FGGY: variants seen among roughly 807,000 people sequenced by gnomAD.
FGGY encodes the protein FGGY carbohydrate kinase domain containing, also known as FGGY carbohydrate kinase domain-containing protein.
Under a neutral mutation model 71.3 loss-of-function variants are expected in FGGY, and 72 were observed. That is an observed-to-expected ratio of 1.01 (90% CI 0.84 to 1.23). FGGY has a LOEUF of 1.23. Among genes scored for constraint, FGGY ranks in the 50% most tolerant of loss-of-function variants. FGGY has a pLI of 0.00. For synonymous variants in FGGY, 251 were observed against 250.3 expected (o/e 1.00, Z -0.02); for missense variants, 668 against 682.3 (o/e 0.98, Z 0.23).
intron 6 of FGGY, among the ~76,000 whole-genome samples, chr1:59,463,540 G>C (rs186169902): frequency 1.3e-5 from 2 of 152,044 alleles, no homozygotes; most frequent in Non-Finnish European, 2.9e-5. Context: ...ATGGGCTAAA[G>C]GCCCCAATTA....
chr1:59,673,827 G>A (rs2097405575), intron 13 of FGGY: 7 of 529,470 alleles, frequency 1.3e-5, no homozygotes, highest in Non-Finnish European at 2.4e-5. Flanking sequence ...TGGTTCCCTT[G>A]GGCTCTTGGC....
intron 6 of FGGY, among the ~76,000 whole-genome samples, chr1:59,474,594 G>A (rs948406910): frequency 3.3e-5 from 5 of 152,220 alleles, no homozygotes; most frequent in Non-Finnish European, 7.3e-5. Flanking sequence ...CTAACCACTA[G>A]AAGAATGTCA....
intron 8 of FGGY, among the ~76,000 whole-genome samples, chr1:59,590,036 G>T (rs542847808): frequency 2.1e-4 from 32 of 151,980 alleles, no homozygotes; most frequent in African/African-American, 7.2e-4. Context: ...TTGATAGATC[G>T]CTAGCAAGAC....
At chr1:59,394,522 C>T (rs188406547) in intron 5 of FGGY, among the ~76,000 whole-genome samples, 13 of 152,188 alleles carry the variant, frequency 8.5e-5, no homozygotes, top group Middle Eastern at 3.4e-3. Context: ...GGGCTTGTTG[C>T]GGGATTGAAC....
chr1:59,451,390 T>TC (rs35917389), intron 5 of FGGY, among the ~76,000 whole-genome samples: 4 of 151,658 alleles, frequency 2.6e-5, no homozygotes, highest in African/African-American at 9.7e-5. Context: ...GTTTTTTTTT[T>TC]GTAGAACAGC....
intron 8 of FGGY, among the ~76,000 whole-genome samples, chr1:59,597,506 T>A (rs933559891): frequency 6.6e-6 from 1 of 151,922 alleles, no homozygotes. Flanking sequence ...TCAAGTCTTT[T>A]AAAAAAAAGT....
chr1:59,360,256 C>T (rs575017887), intron 4 of FGGY, among the ~76,000 whole-genome samples: 2 of 152,142 alleles, frequency 1.3e-5, no homozygotes, highest in Admixed American at 6.6e-5. Context: ...AACTCTCCTT[C>T]GTGCTGGCAT....
intron 8 of FGGY, among the ~76,000 whole-genome samples, chr1:59,574,577 GT>G (rs1381170794): frequency 6.6e-6 from 1 of 151,912 alleles, no homozygotes; most frequent in Non-Finnish European, 1.5e-5. Context: ...ATTTAAATGT[GT>G]TTTTTAAGGT....
intron 11 of FGGY, among the ~76,000 whole-genome samples, chr1:59,645,567 G>A (rs1264220561): frequency 6.6e-6 from 1 of 152,138 alleles, no homozygotes; most frequent in Non-Finnish European, 1.5e-5. Context: ...CAATACAACA[G>A]GAAACTCAAA....
At chr1:59,569,883 T>C (rs2095951065) in intron 8 of FGGY, among the ~76,000 whole-genome samples, 1 of 152,176 alleles carries the variant, frequency 6.6e-6, no homozygotes. Context: ...GACTCAGATA[T>C]GTATCTGAGC....
chr1:59,364,835 C>G (rs1287101194), intron 4 of FGGY, among the ~76,000 whole-genome samples: 1 of 152,192 alleles, frequency 6.6e-6, no homozygotes, highest in East Asian at 1.9e-4. Flanking sequence ...GCTTCTGTTT[C>G]TCTGAAGAAC....
chr1:59,553,382 T>C (rs2095639131), intron 7 of FGGY, among the ~76,000 whole-genome samples: 1 of 152,222 alleles, frequency 6.6e-6, no homozygotes, highest in South Asian at 2.1e-4. Context: ...CTAAAGAGTC[T>C]TTCTAGCTTT....
intron 6 of FGGY, among the ~76,000 whole-genome samples, chr1:59,487,976 A>G (rs1319649498): frequency 6.6e-6 from 1 of 152,194 alleles, no homozygotes; most frequent in African/African-American, 2.4e-5. Context: ...CAATTTCAGC[A>G]CTCTGATACA....
chr1:59,346,126 T>G (rs1348451708), intron 3 of FGGY, 121 bp from the exon 4 acceptor site: 1 of 1,313,964 alleles, frequency 7.6e-7, no homozygotes, highest in Non-Finnish European at 1.0e-6. Context: ...TTTTGCACAC[T>G]CTTGATACAT....
chr1:59,512,291 T>G lies in FGGY; in HGVS notation c.671-20T>G. 6.3e-7 allele frequency: 1 copy of G among 1,581,698 alleles called. No homozygotes were observed. The highest frequency in any genetic ancestry group is 8.6e-7 in the Non-Finnish European group (1 of 1,164,156). On this transcript the variant is annotated intron_variant, in intron 6 of 15. Coordinates refer to ENST00000303721, the MANE Select transcript of FGGY (RefSeq NM_018291.5). ...TGTTTTTCAAACTGATGGTGTTTGTTTTTTCTCATGTCTACCCAGGAAACC... is the reference window on the plus strand; with the variant it reads ...TGTTTTTCAAACTGATGGTGTTTGTGTTTTCTCATGTCTACCCAGGAAACC...
intron 5 of FGGY, among the ~76,000 whole-genome samples, chr1:59,425,404 GC>G (rs1176315361): frequency 2.0e-5 from 3 of 151,802 alleles, no homozygotes; most frequent in Non-Finnish European, 4.4e-5. Flanking sequence ...ATGGATATTT[GC>G]CCCCAAATTG....
chr1:59,533,605 G>A (rs1166094951), intron 7 of FGGY, among the ~76,000 whole-genome samples: 3 of 152,240 alleles, frequency 2.0e-5, no homozygotes, highest in Non-Finnish European at 4.4e-5. Flanking sequence ...CTGTCTGACA[G>A]CTTTGAAGAG....
intron 11 of FGGY, among the ~76,000 whole-genome samples, chr1:59,646,495 A>T (rs1024243991): frequency 2.7e-5 from 4 of 149,766 alleles, no homozygotes; most frequent in African/African-American, 9.7e-5. Context: ...GAAAATACAT[A>T]TTTTTTATTT....
intron 8 of FGGY, among the ~76,000 whole-genome samples, chr1:59,567,996 C>A (rs576266795): frequency 6.6e-6 from 1 of 151,768 alleles, no homozygotes; most frequent in Non-Finnish European, 1.5e-5. Context: ...TGTTTGAATT[C>A]TATGGAACCA....
Sources: gnomAD v4.1 joint callset for allele counts (sites outside exome capture counted in the v4.1 genomes callset) on GRCh38, gnomAD v4.1.1 for gene constraint, MANE v1.5 for transcripts, NCBI Gene and HGNC (gene_info 2026-07-23, HGNC 2026-07-21) for gene names.